The following JAKMIP1 variants were observed in gnomAD, a reference collection of about 807,000 sequenced individuals.
JAKMIP1 encodes janus kinase and microtubule-interacting protein 1.
JAKMIP1 carries 33 observed loss-of-function variants against 113.0 expected under a neutral mutation model. That is an observed-to-expected ratio of 0.29 (90% CI 0.22 to 0.39). The LOEUF (loss-of-function observed/expected upper bound fraction) is 0.39. Ranked by LOEUF, JAKMIP1 falls within the 10% of genes least tolerant of loss-of-function variation. JAKMIP1 has a pLI of 1.00. For synonymous variants in JAKMIP1, 480 were observed against 459.9 expected (o/e 1.04, Z -0.56); for missense variants, 813 against 1,080.5 (o/e 0.75, Z 3.47).
intron 2 of JAKMIP1, among the ~76,000 whole-genome samples, chr4:6,112,242 G>C (rs145527575): frequency 2.6e-5 from 4 of 152,340 alleles, no homozygotes; most frequent in African/African-American, 7.2e-5. Context: ...CAGCAGCTGA[G>C]CATCAGTAAA....
intron 1 of JAKMIP1, among the ~76,000 whole-genome samples, chr4:6,144,414 A>C (rs1372269469): frequency 6.6e-6 from 1 of 152,224 alleles, no homozygotes. Flanking sequence ...CACTGAAACC[A>C]GACAAAGATA....
intron 1 of JAKMIP1, among the ~76,000 whole-genome samples, chr4:6,195,612 G>A (rs887628096): frequency 6.6e-6 from 1 of 152,100 alleles, no homozygotes; most frequent in African/African-American, 2.4e-5. Context: ...AAGAACATGG[G>A]CTTCTTGGCT....
In JAKMIP1 at chr4:6,040,084, CG is replaced by C. The variant is rs1328464309; in HGVS notation, c.2175+554del. ...CTCCACCCCGAAGGAGAATTTCTCTCGTGCCAGGAGCACTTAGCTTTGAGTG... is the reference window on the plus strand; with the variant it reads ...CTCCACCCCGAAGGAGAATTTCTCTCTGCCAGGAGCACTTAGCTTTGAGTG... On this transcript the variant is annotated intron_variant, in intron 18 of 20. Coordinates refer to ENST00000409021, the MANE Select transcript of JAKMIP1 (RefSeq NM_001099433.2). This position sits in a 1 kb window ranked among gnomAD's most constrained non-coding sequence, Gnocchi z 5.8. Among the ~76,000 whole-genome samples the C allele has an allele frequency of 2.6e-5, 4 of 152,204 alleles. No homozygotes were observed. Among genetic ancestry groups the C allele is most frequent in the African/African-American group, 9.6e-5 (4 of 41,456 alleles).
chr4:6,190,748 G>A (rs1489283206), intron 1 of JAKMIP1, among the ~76,000 whole-genome samples: 1 of 152,248 alleles, frequency 6.6e-6, no homozygotes, highest in Non-Finnish European at 1.5e-5. Flanking sequence ...TGTGGAACAA[G>A]CACACACACC....
chr4:6,104,306 G>A (rs13127967), intron 3 of JAKMIP1, among the ~76,000 whole-genome samples: 18,450 of 152,158 alleles, frequency 0.12, 1,276 homozygotes, highest in African/African-American at 0.19. Context: ...GTCCCCAACC[G>A]TAACTGTGGA....
intron 3 of JAKMIP1, among the ~76,000 whole-genome samples, chr4:6,095,215 A>G (rs1711544538): frequency 6.7e-6 from 1 of 149,072 alleles, no homozygotes; most frequent in South Asian, 2.2e-4. Context: ...AAATAGAAGA[A>G]AGAAGGAAAG....
chr4:6,107,818 C>A (rs997565512), intron 2 of JAKMIP1, among the ~76,000 whole-genome samples: 2 of 152,136 alleles, frequency 1.3e-5, no homozygotes, highest in Admixed American at 6.5e-5. Context: ...GACTACACAA[C>A]CTTCCAGAGC....
chr4:6,126,928 C>T (rs994198701), intron 1 of JAKMIP1, among the ~76,000 whole-genome samples: 1 of 151,624 alleles, frequency 6.6e-6, no homozygotes, highest in African/African-American at 2.4e-5. Flanking sequence ...CACAAATATA[C>T]ACATCATACA....
At chr4:6,125,217 C>T (rs1717241912) in intron 1 of JAKMIP1, among the ~76,000 whole-genome samples, 1 of 152,088 alleles carries the variant, frequency 6.6e-6, no homozygotes, top group South Asian at 2.1e-4. Context: ...TCTGAGGTGC[C>T]CTCAGCTTCC....
At chr4:6,053,445 C>T (rs919005566) in intron 13 of JAKMIP1, among the ~76,000 whole-genome samples, 2 of 152,114 alleles carry the variant, frequency 1.3e-5, no homozygotes, top group African/African-American at 4.8e-5. Context: ...AGAGTTTGAA[C>T]AACGTAACTA....
chr4:6,052,030 A>G (rs1715719273), intron 13 of JAKMIP1, among the ~76,000 whole-genome samples: 1 of 152,176 alleles, frequency 6.6e-6, no homozygotes, highest in Non-Finnish European at 1.5e-5. Context: ...TAAGAGATGT[A>G]GCCAAGAGAG....
In JAKMIP1 at chr4:6,081,015, C is replaced by CACACAAA. The variant is rs549456814; in HGVS notation, c.1101+593_1101+594insTTTGTGT. On this transcript the variant is annotated intron_variant, in intron 6 of 20. Transcript: ENST00000409021. The surrounding 1 kb of genome is among the most constrained non-coding windows in gnomAD (Gnocchi z 4.6). ...CACACACACACACACACACACACACCTGCATCTGCTACAGTGCAGACAGCA... is the reference window on the plus strand; with the variant it reads ...CACACACACACACACACACACACACCACACAAATGCATCTGCTACAGTGCAGACAGCA... Among the ~76,000 whole-genome samples, 319 of 33,700 alleles carry CACACAAA rather than the reference C, an allele frequency of 9.5e-3. 2 individuals carry two copies. Among genetic ancestry groups the CACACAAA allele is most frequent in the African/African-American group, 0.042 (308 of 7,404 alleles). 22.1% of individuals were successfully genotyped at this position (33,700 alleles called of 152,430 possible).
intron 7 of JAKMIP1, among the ~76,000 whole-genome samples, chr4:6,079,531 G>A (rs1349086232): frequency 6.6e-6 from 1 of 152,194 alleles, no homozygotes. Context: ...CACCCACTTT[G>A]GTGAGCAGAA....
rs529154073 is a variant in JAKMIP1, at chr4:6,135,775, G to T, written c.-147-22778C>A. Among the ~76,000 whole-genome samples the T allele has an allele frequency of 3.9e-5, 6 of 152,168 alleles. 1 individual carries two copies. The South Asian group carries it at 1.2e-3, about 32-fold the overall frequency. ...AAGCCTTCTAAGGCCCATCCCACTG[G>T]TTCTTCCCCTAAACCACACTGCCCA... On this transcript the variant is annotated intron_variant, in intron 1 of 20. Transcript: ENST00000409021. The surrounding 1 kb of genome is among the most constrained non-coding windows in gnomAD (Gnocchi z 4.9).
At chr4:6,045,352 G>T (rs1328453180) in intron 16 of JAKMIP1, among the ~76,000 whole-genome samples, 1 of 152,198 alleles carries the variant, frequency 6.6e-6, no homozygotes, top group Non-Finnish European at 1.5e-5. Flanking sequence ...TGTGGGGCAC[G>T]TGCCATGTGC....
chr4:6,161,011 CACCTCCACTCACCTCCCTG>C (rs1197597548), intron 1 of JAKMIP1, among the ~76,000 whole-genome samples: 13 of 140,406 alleles, frequency 9.3e-5, no homozygotes, highest in Non-Finnish European at 3.0e-5. Context: ...CATCTGCCCT[CACCTCCACTCACCTCCCTG>C]ACCTCCACTC....
rs189631303 is a variant in JAKMIP1 at position 6,093,257 on chromosome 4, C to T, written c.625-7628G>A. Among the ~76,000 whole-genome samples the T allele has an allele frequency of 4.6e-5, 7 of 152,306 alleles. No individual in the cohort carries two copies. The highest frequency in any genetic ancestry group is 2.0e-4 in the Admixed American group (3 of 15,304). ...GGCTTGCATGGTCCTATTACCAAAC[C>T]GTCCTGCTCACACTAGAATAATCTG... On this transcript the variant is annotated intron_variant, in intron 3 of 20. Coordinates refer to ENST00000409021, the MANE Select transcript of JAKMIP1 (RefSeq NM_001099433.2). The surrounding 1 kb of genome is among the most constrained non-coding windows in gnomAD (Gnocchi z 4.6).
intron 1 of JAKMIP1, among the ~76,000 whole-genome samples, chr4:6,170,394 C>A (rs1185746613): frequency 2.7e-4 from 1 of 3,742 alleles, no homozygotes; most frequent in East Asian, 6.0e-3. Context: ...ACCACCACTA[C>A]CTCTATCACT....
intron 18 of JAKMIP1, among the ~76,000 whole-genome samples, chr4:6,039,602 A>G (rs1714045963): frequency 2.0e-5 from 3 of 152,182 alleles, no homozygotes; most frequent in Non-Finnish European, 4.4e-5. Flanking sequence ...TGCCCTCAAC[A>G]CTACTGAAAT....
Sources: gnomAD v4.1 joint callset for allele counts (sites outside exome capture counted in the v4.1 genomes callset) on GRCh38, gnomAD v4.1.1 for gene constraint, Gnocchi (gnomAD v3.1) non-coding constraint, MANE v1.5 for transcripts, NCBI Gene and HGNC (gene_info 2026-07-23, HGNC 2026-07-21) for gene names.